The following SLC5A10 variants were observed in gnomAD, a reference collection of about 807,000 sequenced individuals.
The protein encoded by SLC5A10 is solute carrier family 5 member 10.
Under a neutral mutation model 68.9 loss-of-function variants are expected in SLC5A10, and 55 were observed. The ratio of observed to expected loss-of-function variants is 0.80; its 90% confidence interval spans 0.64 to 1.00. SLC5A10 has a LOEUF of 1.00. Ranked by LOEUF, SLC5A10 falls within the 50% of genes least tolerant of loss-of-function variation. SLC5A10 has a pLI of 0.00. For synonymous variants in SLC5A10, 344 were observed against 344.8 expected (o/e 1.00, Z 0.02); for missense variants, 732 against 819.3 (o/e 0.89, Z 1.30).
chr17:19,004,012 G>A lies in SLC5A10; in HGVS notation c.983-9398G>A. On this transcript the variant is annotated intron_variant, in intron 9 of 14. Transcript: ENST00000395645. This position sits in a 1 kb window ranked among gnomAD's most constrained non-coding sequence, Gnocchi z 5.4. The stretch of plus-strand genomic sequence containing the variant: ...TGGAGCGCCAGTTCACATGGTTGTC[G>A]TCCAGACACTGCACCTGAGAGAAGG... 1 of 1,608,720 alleles carries A rather than the reference G, an allele frequency of 6.2e-7. No homozygotes were observed.
intron 5 of SLC5A10, among the ~76,000 whole-genome samples, chr17:18,962,419 C>T (rs2042629210): frequency 6.6e-6 from 1 of 151,928 alleles, no homozygotes; most frequent in East Asian, 1.9e-4. Context: ...ACTTCTGGGG[C>T]CAGATAAAGA....
At chr17:18,959,346 T>A (rs1597815226) in intron 3 of SLC5A10, 107 bp downstream of exon 3, 1 of 1,221,392 alleles carries the variant, frequency 8.2e-7, no homozygotes, top group Non-Finnish European at 1.2e-6. Flanking sequence ...GATGTCCAGG[T>A]GGGCTCTGTG....
chr17:18,964,917 T>C (rs974317733), intron 5 of SLC5A10, among the ~76,000 whole-genome samples: 4 of 151,164 alleles, frequency 2.6e-5, no homozygotes, highest in Non-Finnish European at 4.4e-5. Flanking sequence ...CCGAGGCGGG[T>C]GGATCACCTG....
rs745850971 is a variant in SLC5A10 at position 19,019,564 on chromosome 17, C to T, written c.1383C>T (p.Gly461=). 42 of 1,611,732 alleles carry T rather than the reference C, an allele frequency of 2.6e-5. No individual in the cohort carries two copies. Among genetic ancestry groups the T allele is most frequent in the African/African-American group, 1.1e-4 (8 of 74,914 alleles). The change falls in exon 12 of 15, where the codon GGC becomes GGT. Residue 461 remains glycine (G), a synonymous_variant. Transcript: ENST00000395645. The part of the protein sequence containing the change: ...APPVTAVFVL[G]VFWRRANEQG... Reference sequence around the variant, plus strand: ...CAGTGACTGCAGTCTTTGTCCTGGGCGTCTTCTGGCGACGTGCCAACGAGC... The same window carrying T: ...CAGTGACTGCAGTCTTTGTCCTGGGTGTCTTCTGGCGACGTGCCAACGAGC...
intron 9 of SLC5A10, chr17:18,977,612 G>A: frequency 6.2e-7 from 1 of 1,609,250 alleles, no homozygotes; most frequent in Non-Finnish European, 8.5e-7. Context: ...GGAGCGCTGG[G>A]CCTGCATCCT....
In SLC5A10 at chr17:19,003,243, C is replaced by G. The variant is rs2043777625; in HGVS notation, c.983-10167C>G. On this transcript the variant is annotated intron_variant, in intron 9 of 14. Transcript: ENST00000395645. The surrounding 1 kb of genome is among the most constrained non-coding windows in gnomAD (Gnocchi z 4.5). The stretch of plus-strand genomic sequence containing the variant: ...CTCCACCCTATCTCGGTGCCTTCTT[C>G]TGGGGAACCAGAAACACCCTCCAAC... Among the ~76,000 whole-genome samples the G allele has an allele frequency of 6.6e-6, 1 of 151,304 alleles. No homozygotes were observed. The highest frequency in any genetic ancestry group is 2.4e-5 in the African/African-American group (1 of 41,196).
Position 18,971,159 on chromosome 17 carries a change from TG to T in SLC5A10, c.789del (p.Trp263Ter). On this transcript the variant is annotated frameshift_variant, in exon 8 of 15. Transcript: ENST00000395645. LOFTEE classifies it high-confidence loss of function. This position sits in a 1 kb window ranked among gnomAD's most constrained non-coding sequence, Gnocchi z 5.5. ...FRDPHTGDLPWTGMTFGLTIM... is the reference protein window; with the variant it reads ...FRDPHTGDLPXTGMTFGLTIM... ...AGACCCCCACACAGGGGACCTGCCG[TG>T]GACCGGGATGACCTTTGGCCTGACC... 1.2e-6 allele frequency: 2 copies of T among 1,614,094 alleles called. No homozygotes were observed. The highest frequency in any genetic ancestry group is 1.7e-6 in the Non-Finnish European group (2 of 1,180,042).
intron 9 of SLC5A10, among the ~76,000 whole-genome samples, chr17:18,990,337 G>A (rs570741078): frequency 6.6e-6 from 1 of 152,284 alleles, no homozygotes; most frequent in African/African-American, 2.4e-5. Context: ...ACTGGGCAGG[G>A]GTGTGTGGTG....
rs777562534 is a variant in SLC5A10 at position 19,004,044 on chromosome 17, C to G, written c.983-9366C>G. On this transcript the variant is annotated intron_variant, in intron 9 of 14. Transcript: ENST00000395645. The surrounding 1 kb of genome is among the most constrained non-coding windows in gnomAD (Gnocchi z 5.4). ...CACTGCACCTGAGAGAAGGCCATGG[C>G]GCCGCCTGCCCGGGCACTGCTGCCG... 6.3e-7 allele frequency: 1 copy of G among 1,578,632 alleles called. No homozygotes were observed. Among genetic ancestry groups the G allele is most frequent in the South Asian group, 1.2e-5 (1 of 86,640 alleles).
At position 18,988,484 on chromosome 17, in the gene SLC5A10, C is replaced by T. The variant is rs996763650; in HGVS notation, c.982+11495C>T. On this transcript the variant is annotated intron_variant, in intron 9 of 14. Transcript: ENST00000395645. ...GTGGGGACAGGGTGCCCTGGCAGAGCGCACAGCCCTCCCATGCCACCAGCC... is the reference window on the plus strand; with the variant it reads ...GTGGGGACAGGGTGCCCTGGCAGAGTGCACAGCCCTCCCATGCCACCAGCC... The T allele has an allele frequency of 4.4e-6, 7 of 1,581,788 alleles. No homozygotes were observed. The African/African-American group carries it at 5.4e-5, about 12-fold the overall frequency.
At position 19,003,685 on chromosome 17, in the gene SLC5A10, G is replaced by A; in HGVS notation, c.983-9725G>A. On this transcript the variant is annotated intron_variant, in intron 9 of 14. Coordinates refer to ENST00000395645, the MANE Select transcript of SLC5A10 (RefSeq NM_001042450.4). The surrounding 1 kb of genome is among the most constrained non-coding windows in gnomAD (Gnocchi z 4.5). ...TGGAGCGGTCCGACTTCTGGGGCCAGTACTCCAGGGAGGGCAGCGGCTCGG... is the reference window on the plus strand; with the variant it reads ...TGGAGCGGTCCGACTTCTGGGGCCAATACTCCAGGGAGGGCAGCGGCTCGG... 1 of 1,610,232 alleles carries A rather than the reference G, an allele frequency of 6.2e-7. No individual in the cohort carries two copies. Among genetic ancestry groups the A allele is most frequent in the South Asian group, 1.1e-5 (1 of 90,816 alleles).
chr17:18,961,785 G>A (rs1297044085), intron 5 of SLC5A10, among the ~76,000 whole-genome samples: 1 of 152,030 alleles, frequency 6.6e-6, no homozygotes, highest in East Asian at 1.9e-4. Context: ...CATCTGACCC[G>A]CCCTCTCCTC....
rs373612714 is a variant in SLC5A10 at position 18,978,233 on chromosome 17, G to C, written c.982+1244G>C. The C allele has an allele frequency of 3.1e-6, 5 of 1,588,638 alleles. No individual in the cohort carries two copies. In the African/African-American group the frequency reaches 5.4e-5, roughly 17 times the overall value. On this transcript the variant is annotated intron_variant, in intron 9 of 14. Coordinates refer to ENST00000395645, the MANE Select transcript of SLC5A10 (RefSeq NM_001042450.4). ...ACCGTCCTGGGGGGCACTGGGCTCT[G>C]GGGGAGGGCAAGGCTCTGGACGGGG...
chr17:18,977,866 G>A lies in SLC5A10; in HGVS notation c.982+877G>A, dbSNP rs771017043. ...GCCGTCGGGGGCCAGGGCCACGGCC[G>A]GAGCTGCCTGAGTGGCTGTCCTGGT... is the stretch of plus-strand genomic sequence containing the variant. On this transcript the variant is annotated intron_variant, in intron 9 of 14. Coordinates refer to ENST00000395645, the MANE Select transcript of SLC5A10 (RefSeq NM_001042450.4). The A allele has an allele frequency of 4.5e-5, 73 of 1,610,858 alleles. 2 individuals are homozygous for A. The highest frequency in any genetic ancestry group is 6.6e-5 in the South Asian group (6 of 91,040).
Position 18,968,790 on chromosome 17 carries a change from T to G in SLC5A10, c.454-262T>G, listed in dbSNP as rs2151999130. 1 of 496,780 alleles carries G rather than the reference T, an allele frequency of 2.0e-6. No homozygotes were observed. The highest frequency in any genetic ancestry group is 3.0e-5 in the South Asian group (1 of 32,924). 30.8% of individuals were successfully genotyped at this position (496,780 alleles called of 1,614,324 possible). On this transcript the variant is annotated intron_variant, in intron 5 of 14. Transcript: ENST00000395645. This position sits in a 1 kb window ranked among gnomAD's most constrained non-coding sequence, Gnocchi z 4.1. ...GGCCAGATTCAATAACAACACTGCTTTTGGGAAAGGCATTGGCCACTTTGG... is the reference window on the plus strand; with the variant it reads ...GGCCAGATTCAATAACAACACTGCTGTTGGGAAAGGCATTGGCCACTTTGG...
chr17:19,019,642 C>T (rs2041438156), intron 12 of SLC5A10, 51 bp downstream of exon 12: 1 of 1,604,114 alleles, frequency 6.2e-7, no homozygotes, highest in Admixed American at 1.7e-5. Context: ...ATTTGCTCTT[C>T]CCTGCTGCCT....
At chr17:18,979,576 C>G (rs1488644555) in intron 9 of SLC5A10, 3 of 1,613,526 alleles carry the variant, frequency 1.9e-6, no homozygotes. Flanking sequence ...AGCCCGGTCT[C>G]CATCCACAAA....
intron 9 of SLC5A10, among the ~76,000 whole-genome samples, chr17:19,012,157 G>C (rs2044027851): frequency 6.6e-6 from 1 of 151,970 alleles, no homozygotes; most frequent in Non-Finnish European, 1.5e-5. Context: ...TTTATGGGAG[G>C]AAAAAGAGAA....
rs1390827398 is a variant in SLC5A10, at chr17:18,976,859, C to T, written c.852C>T (p.Ile284=). Residue 284 remains isoleucine (I), a synonymous_variant, in exon 9 of 15, where the codon ATC becomes ATT. Coordinates refer to ENST00000395645, the MANE Select transcript of SLC5A10 (RefSeq NM_001042450.4). The part of the protein sequence containing the change: ...ATWYWCTDQV[I]VQRSLSARDL... ...GTCTCGCACTCCACCCCCAGGTCAT[C>T]GTGCAGCGATCACTGTCAGCCCGGG... is the stretch of plus-strand genomic sequence containing the variant. 8 of 1,613,394 alleles carry T rather than the reference C, an allele frequency of 5.0e-6. No homozygotes were observed. In the East Asian group the frequency reaches 6.7e-5, roughly 13 times the overall value.
Sources: gnomAD v4.1 joint callset for allele counts (sites outside exome capture counted in the v4.1 genomes callset) on GRCh38, gnomAD v4.1.1 for gene constraint, Gnocchi (gnomAD v3.1) non-coding constraint, MANE v1.5 for transcripts, NCBI Gene and HGNC (gene_info 2026-07-23, HGNC 2026-07-21) for gene names.